Variants in IMMP2L observed in about 807,000 individuals in gnomAD.
IMMP2L encodes mitochondrial inner membrane protease subunit 2.
IMMP2L carries 18 observed loss-of-function variants against 19.3 expected under a neutral mutation model. That is an observed-to-expected ratio of 0.93 (90% CI 0.64 to 1.38). The LOEUF is 1.38. Ranked by LOEUF, IMMP2L falls within the 40% of genes most tolerant of loss-of-function variation. The probability of loss-of-function intolerance (pLI) is 0.00; values close to 1 mark genes in which losing one functional copy is unlikely to be tolerated. For synonymous variants in IMMP2L, 76 were observed against 73.0 expected (o/e 1.04, Z -0.21); for missense variants, 233 against 218.2 (o/e 1.07, Z -0.43).
chr7:111,369,068 CTG>C (rs1444512762), intron 3 of IMMP2L, among the ~76,000 whole-genome samples: 10 of 150,572 alleles, frequency 6.6e-5, no homozygotes, highest in Non-Finnish European at 1.3e-4. Context: ...ACATGAATGA[CTG>C]TTACAGTATT....
At chr7:111,016,836 ATAT>A (rs1226223094) in intron 3 of IMMP2L, among the ~76,000 whole-genome samples, 7,250 of 76,944 alleles carry the variant, frequency 0.094, 460 homozygotes, top group East Asian at 0.35. Context: ...TATATAGTAT[ATAT>A]TATATATAAT....
chr7:110,930,640 T>C (rs1815368730), intron 4 of IMMP2L, among the ~76,000 whole-genome samples: 1 of 152,206 alleles, frequency 6.6e-6, no homozygotes, highest in Non-Finnish European at 1.5e-5. Flanking sequence ...CCCAAACTAC[T>C]TAATTATCAC....
At chr7:111,302,543 C>T (rs961971049) in intron 3 of IMMP2L, among the ~76,000 whole-genome samples, 2 of 152,056 alleles carry the variant, frequency 1.3e-5, no homozygotes, top group African/African-American at 2.4e-5. Context: ...CTCATTCAGT[C>T]TTCATGATAA....
chr7:110,705,873 T>C (rs1428241855), intron 5 of IMMP2L, among the ~76,000 whole-genome samples: 1 of 152,088 alleles, frequency 6.6e-6, no homozygotes, highest in African/African-American at 2.4e-5. Context: ...GCTGCATCCA[T>C]GTTGCTGCAA....
intron 5 of IMMP2L, among the ~76,000 whole-genome samples, chr7:110,817,524 A>G (rs1474713517): frequency 6.6e-6 from 1 of 152,130 alleles, no homozygotes; most frequent in Non-Finnish European, 1.5e-5. Flanking sequence ...TATTGTGAAA[A>G]TGGCCATACT....
intron 3 of IMMP2L, among the ~76,000 whole-genome samples, chr7:111,080,372 A>C (rs938734886): frequency 3.3e-5 from 5 of 151,932 alleles, no homozygotes; most frequent in African/African-American, 9.7e-5. Context: ...TTTCAATGCA[A>C]TTTTATCCAA....
intron 3 of IMMP2L, among the ~76,000 whole-genome samples, chr7:111,324,111 T>G (rs1825057702): frequency 6.6e-6 from 1 of 152,046 alleles, no homozygotes; most frequent in African/African-American, 2.4e-5. Context: ...CTGCACATTG[T>G]GCACATATAC....
intron 5 of IMMP2L, among the ~76,000 whole-genome samples, chr7:110,684,578 T>A (rs1402778844): frequency 6.6e-6 from 1 of 152,022 alleles, no homozygotes; most frequent in African/African-American, 2.4e-5. Flanking sequence ...TGAGGTTGAC[T>A]GTTAAAACTC....
intron 3 of IMMP2L, among the ~76,000 whole-genome samples, chr7:111,386,918 T>C (rs1189142935): frequency 6.6e-6 from 1 of 152,168 alleles, no homozygotes; most frequent in African/African-American, 2.4e-5. Context: ...AATGACTGTT[T>C]CACAAAAGAG....
Position 111,295,987 on chromosome 7 carries a change from A to T in IMMP2L, c.239+191251T>A, listed in dbSNP as rs1218947518. Reference sequence around the variant, plus strand: ...AAAGGATTTATTAGAAAGAATGTTAAAAAAAAAAAAAAAAGCACTAAAAAT... The same window carrying T: ...AAAGGATTTATTAGAAAGAATGTTATAAAAAAAAAAAAAAGCACTAAAAAT... On this transcript the variant is annotated intron_variant, in intron 3 of 5. Transcript: ENST00000405709. Among the ~76,000 whole-genome samples, 30 of 24,702 alleles carry T rather than the reference A, an allele frequency of 1.2e-3. No individual in the cohort carries two copies. The African/African-American group carries it at 0.051, about 42-fold the overall frequency. The allele number at this position is 24,702 out of a possible 152,430, so 16.2% of individuals were successfully genotyped here. A position where few individuals can be genotyped will look rare whatever the true frequency, so the allele number is the denominator to read the frequency against.
At chr7:111,385,585 G>A (rs1221055240) in intron 3 of IMMP2L, among the ~76,000 whole-genome samples, 1 of 152,074 alleles carries the variant, frequency 6.6e-6, no homozygotes, top group Non-Finnish European at 1.5e-5. Flanking sequence ...ACTAGAGAAT[G>A]TTTGATCTTT....
At chr7:111,329,710 G>A (rs1266353269) in intron 3 of IMMP2L, among the ~76,000 whole-genome samples, 1 of 151,448 alleles carries the variant, frequency 6.6e-6, no homozygotes, top group African/African-American at 2.4e-5. Flanking sequence ...ATTAGAGAGA[G>A]AAAAAGGGGA....
intron 4 of IMMP2L, among the ~76,000 whole-genome samples, chr7:110,921,926 T>C (rs1405192808): frequency 1.3e-5 from 2 of 152,182 alleles, no homozygotes; most frequent in Non-Finnish European, 2.9e-5. Flanking sequence ...TAGTCAGAAA[T>C]TATCTTTTCT....
At chr7:111,234,640 T>C (rs1184197702) in intron 3 of IMMP2L, among the ~76,000 whole-genome samples, 1 of 152,128 alleles carries the variant, frequency 6.6e-6, no homozygotes, top group Non-Finnish European at 1.5e-5. Flanking sequence ...GCCTCTTTTC[T>C]CTCTTTTTCT....
intron 5 of IMMP2L, among the ~76,000 whole-genome samples, chr7:110,740,916 A>G (rs531084922): frequency 2.5e-4 from 35 of 139,566 alleles, no homozygotes; most frequent in Admixed American, 9.7e-4. Context: ...TAAAAAAGTT[A>G]CTGTATATTA....
At position 110,798,767 on chromosome 7, in the gene IMMP2L, C is replaced by A. The variant is rs555678330; in HGVS notation, c.408+87826G>T. ...GGAAAAAGAGAAGCAATTACTTTTT[C>A]AGTTCTTATTATCTGATTAAAGGGA... On this transcript the variant is annotated intron_variant, in intron 5 of 5. Coordinates refer to ENST00000405709, the MANE Select transcript of IMMP2L (RefSeq NM_032549.4). Among the ~76,000 whole-genome samples, 374 of 151,826 alleles carry A rather than the reference C, an allele frequency of 2.5e-3. 2 individuals are homozygous for A. Among genetic ancestry groups the A allele is most frequent in the African/African-American group, 8.5e-3 (352 of 41,506 alleles).
chr7:111,057,110 C>T (rs551031843), intron 3 of IMMP2L, among the ~76,000 whole-genome samples: 2 of 152,118 alleles, frequency 1.3e-5, no homozygotes, highest in Non-Finnish European at 2.9e-5. Context: ...AAGGACACGA[C>T]ACTTTGGTTG....
At chr7:110,995,215 G>A (rs750513813) in intron 3 of IMMP2L, among the ~76,000 whole-genome samples, 24 of 152,030 alleles carry the variant, frequency 1.6e-4, no homozygotes, top group African/African-American at 3.9e-4. Flanking sequence ...TACGGGCTCC[G>A]TTAAAGTGAA....
At chr7:111,421,940 G>A (rs905882100) in intron 3 of IMMP2L, among the ~76,000 whole-genome samples, 1 of 151,808 alleles carries the variant, frequency 6.6e-6, no homozygotes, top group African/African-American at 2.4e-5. Context: ...TCTACATACA[G>A]CTAGCCAGTT....
Sources: gnomAD v4.1 joint callset for allele counts (sites outside exome capture counted in the v4.1 genomes callset) on GRCh38, gnomAD v4.1.1 for gene constraint, MANE v1.5 for transcripts, NCBI Gene and HGNC (gene_info 2026-07-23, HGNC 2026-07-21) for gene names.